The following GABRR2 variants were observed in gnomAD, a reference collection of about 807,000 sequenced individuals.
GABRR2 encodes the protein gamma-aminobutyric acid receptor subunit rho-2.
In GABRR2, 36 loss-of-function variants were observed where a neutral mutation model predicts 47.0. The ratio of observed to expected loss-of-function variants is 0.77; its 90% CI spans 0.59 to 1.01. GABRR2 has a LOEUF of 1.01. GABRR2 is among the 50% of genes least tolerant of loss of function. The probability of loss-of-function intolerance (pLI) is 0.00; values close to 1 mark genes in which losing one functional copy is unlikely to be tolerated. For missense variants in GABRR2, 587 were observed against 594.6 expected (o/e 0.99, Z 0.13); for synonymous variants, 204 against 227.5 (o/e 0.90, Z 0.93).
intron 1 of GABRR2, among the ~76,000 whole-genome samples, chr6:89,301,299 C>T (rs1020833159): frequency 2.6e-5 from 4 of 152,228 alleles, no homozygotes; most frequent in African/African-American, 9.6e-5. Flanking sequence ...GAAACATTCC[C>T]CTTGAAAACC....
chr6:89,313,320 A>T (rs1009355458), intron 1 of GABRR2, among the ~76,000 whole-genome samples: 4 of 152,194 alleles, frequency 2.6e-5, no homozygotes, highest in African/African-American at 9.6e-5. Flanking sequence ...TCTCTTCAAG[A>T]TTCTCACAGT....
intron 2 of GABRR2, among the ~76,000 whole-genome samples, chr6:89,289,991 G>T (rs921114961): frequency 1.3e-5 from 2 of 152,178 alleles, no homozygotes; most frequent in Admixed American, 6.5e-5. Context: ...ATTCCTGAGA[G>T]AACTGATCCA....
intron 1 of GABRR2, among the ~76,000 whole-genome samples, chr6:89,311,200 G>A (rs891347394): frequency 6.6e-6 from 1 of 152,210 alleles, no homozygotes; most frequent in African/African-American, 2.4e-5. Flanking sequence ...AGCTCAGCCC[G>A]AGGGCTTAGC....
rs2127821008 is a variant in GABRR2 at position 89,256,536 on chromosome 6, C to A, written c.*1134G>T. Among the ~76,000 whole-genome samples the A allele has an allele frequency of 6.6e-6, 1 of 152,172 alleles. No homozygotes were observed. The highest frequency in any genetic ancestry group is 2.1e-4 in the South Asian group (1 of 4,818). On this transcript the variant is annotated 3_prime_UTR_variant, in exon 9 of 9. Coordinates refer to ENST00000402938, the MANE Select transcript of GABRR2 (RefSeq NM_002043.5). ...GGACTAACCTTTACTAGGAAGCAAC[C>A]TCTATGCCCTTGGAATGTCCTGTGA...
At chr6:89,264,387 A>G (rs1773828762) in intron 8 of GABRR2, 25 bp downstream of exon 8, 1 of 1,604,714 alleles carries the variant, frequency 6.2e-7, no homozygotes, top group Non-Finnish European at 8.5e-7. Flanking sequence ...ATGGACTTAG[A>G]CAAGGGCCGA....
At chr6:89,272,779 G>T (rs1199924092) in intron 2 of GABRR2, among the ~76,000 whole-genome samples, 1 of 152,218 alleles carries the variant, frequency 6.6e-6, no homozygotes, top group Non-Finnish European at 1.5e-5. Flanking sequence ...GTGAGTCTGA[G>T]TCCTGAGGAA....
At chr6:89,264,663 A>G (rs1773845602) in intron 7 of GABRR2, 55 bp from the exon 8 acceptor site, 4 of 1,590,916 alleles carry the variant, frequency 2.5e-6, no homozygotes, top group East Asian at 2.2e-5. Flanking sequence ...CTGCCCTCAT[A>G]TCTCACTAAG....
chr6:89,313,011 C>T (rs1230270770), intron 1 of GABRR2, among the ~76,000 whole-genome samples: 1 of 152,190 alleles, frequency 6.6e-6, no homozygotes, highest in Admixed American at 6.5e-5. Context: ...GCCCAGGCTG[C>T]TGAGTGGGGT....
chr6:89,302,611 C>G (rs1429944043), intron 1 of GABRR2: 6 of 1,216,224 alleles, frequency 4.9e-6, no homozygotes, highest in South Asian at 2.4e-5. Flanking sequence ...CATTACCGGG[C>G]CCTGACCGTG....
Position 89,290,503 on chromosome 6 carries a change from T to A in GABRR2, c.220+9256A>T, listed in dbSNP as rs558915610. ...CCCTGGAGGCAGGCTCAGGGCTGTG[T>A]AGACAGTGATTCTGGGGCCCAGTGC... On this transcript the variant is annotated intron_variant, in intron 2 of 8. Transcript: ENST00000402938. Among the ~76,000 whole-genome samples the A allele has an allele frequency of 2.0e-5, 3 of 152,294 alleles. No individual in the cohort carries two copies. In the South Asian group the frequency reaches 6.2e-4, roughly 32 times the overall value.
chr6:89,290,018 AACTC>A (rs1441311818), intron 2 of GABRR2, among the ~76,000 whole-genome samples: 2 of 152,118 alleles, frequency 1.3e-5, no homozygotes, highest in African/African-American at 4.8e-5. Flanking sequence ...TGAGAGTGAG[AACTC>A]ACTCACTACC....
chr6:89,310,497 T>C (rs1437374487), intron 1 of GABRR2, among the ~76,000 whole-genome samples: 1 of 152,188 alleles, frequency 6.6e-6, no homozygotes, highest in Non-Finnish European at 1.5e-5. Context: ...CCCAGCCATC[T>C]TCTCTCTCTA....
intron 2 of GABRR2, among the ~76,000 whole-genome samples, chr6:89,290,759 G>A (rs1391782401): frequency 6.6e-6 from 1 of 152,212 alleles, no homozygotes; most frequent in African/African-American, 2.4e-5. Context: ...AGGATGAGGG[G>A]AATGGCTTCT....
intron 2 of GABRR2, among the ~76,000 whole-genome samples, chr6:89,273,441 G>A (rs1454033460): frequency 1.3e-5 from 2 of 152,204 alleles, no homozygotes; most frequent in Non-Finnish European, 2.9e-5. Flanking sequence ...CACCATGTTG[G>A]TCAGGCTGGT....
intron 2 of GABRR2, among the ~76,000 whole-genome samples, chr6:89,286,686 G>A (rs3798256): frequency 0.57 from 86,030 of 151,854 alleles, 24,522 homozygotes; most frequent in East Asian, 0.7. Context: ...ACACAGATGG[G>A]GTCCTTAAGT....
At chr6:89,288,874 C>T (rs1045493218) in intron 2 of GABRR2, among the ~76,000 whole-genome samples, 8 of 152,258 alleles carry the variant, frequency 5.3e-5, no homozygotes, top group African/African-American at 7.2e-5. Flanking sequence ...TTTCAAATTC[C>T]GGCCTCAAGA....
At chr6:89,310,359 C>T (rs1479230856) in intron 1 of GABRR2, among the ~76,000 whole-genome samples, 1 of 151,968 alleles carries the variant, frequency 6.6e-6, no homozygotes, top group Non-Finnish European at 1.5e-5. Flanking sequence ...CTGCTTCTGC[C>T]AGAAACTGTG....
At chr6:89,269,814 G>A (rs548679948) in intron 3 of GABRR2, among the ~76,000 whole-genome samples, 1 of 152,350 alleles carries the variant, frequency 6.6e-6, no homozygotes, top group South Asian at 2.1e-4. Flanking sequence ...AAATGGATGA[G>A]GGGATGGGCA....
At chr6:89,280,211 AATATATATATAT>A (rs35295435) in intron 2 of GABRR2, among the ~76,000 whole-genome samples, 3,523 of 110,334 alleles carry the variant, frequency 0.032, 154 homozygotes, top group African/African-American at 0.07. Flanking sequence ...TCTAAAAACA[AATATATATATAT>A]ATATATATAT....
Sources: gnomAD v4.1 joint callset for allele counts (sites outside exome capture counted in the v4.1 genomes callset) on GRCh38, gnomAD v4.1.1 for gene constraint, MANE v1.5 for transcripts, NCBI Gene and HGNC (gene_info 2026-07-23, HGNC 2026-07-21) for gene names.